The following SEPTIN5 variants were observed in gnomAD, a reference collection of about 807,000 sequenced individuals.
SEPTIN5 encodes the protein septin 5, also known as septin-5.
In SEPTIN5, 16 loss-of-function variants were observed where a neutral mutation model predicts 51.2. The observed-to-expected ratio is 0.31, with a 90% CI of 0.21 to 0.47. The LOEUF is 0.47. SEPTIN5 is among the 20% of genes least tolerant of loss of function. The probability of loss-of-function intolerance (pLI) is 0.99; values close to 1 mark genes in which losing one functional copy is unlikely to be tolerated. For missense variants in SEPTIN5, 376 were observed against 500.3 expected (o/e 0.75, Z 2.37); for synonymous variants, 208 against 191.2 (o/e 1.09, Z -0.72).
At chr22:19,716,042 A>C (rs1256709773) in intron 2 of SEPTIN5, among the ~76,000 whole-genome samples, 1 of 152,366 alleles carries the variant, frequency 6.6e-6, no homozygotes, top group African/African-American at 2.4e-5. Context: ...CCTGGGCTCC[A>C]GCCACTGCTG....
chr22:19,722,035 A>C, intron 10 of SEPTIN5, 78 bp downstream of exon 10: 30 of 1,527,436 alleles, frequency 2.0e-5, no homozygotes, highest in Non-Finnish European at 2.6e-5. Flanking sequence ...CGGTCCTGTC[A>C]GCCCACCCAG....
rs755837417 is a variant in SEPTIN5 at position 19,720,370 on chromosome 22, G to A, written c.413G>A (p.Arg138His). The A allele has an allele frequency of 4.3e-6, 7 of 1,613,994 alleles. No individual in the cohort carries two copies. Among genetic ancestry groups the A allele is most frequent in the Non-Finnish European group, 5.9e-6 (7 of 1,180,028 alleles). ...GACCAGCAGTTTGAGCAGTACTTCC[G>A]TGATGAGAGCGGCCTCAACCGAAAG... ...YVDQQFEQYF[R>H]DESGLNRKNI... Residue 138 changes from arginine to histidine, a missense_variant, in exon 6 of 12, where the codon CGT becomes CAT. Physicochemically the swap from Arg to His is conservative, Grantham distance 29. Coordinates refer to ENST00000455784, the MANE Select transcript of SEPTIN5 (RefSeq NM_002688.6).
chr22:19,716,135 G>A (rs968153666), intron 2 of SEPTIN5, among the ~76,000 whole-genome samples: 5 of 152,178 alleles, frequency 3.3e-5, no homozygotes, highest in African/African-American at 7.2e-5. Context: ...GAGGTCAACC[G>A]GGAGTCCACC....
intron 4 of SEPTIN5, 102 bp downstream of exon 4, chr22:19,719,994 G>T: frequency 6.2e-7 from 1 of 1,600,240 alleles, no homozygotes; most frequent in South Asian, 1.1e-5. Context: ...TTCTGTTCTC[G>T]CGGTGTGGGT....
intron 10 of SEPTIN5, 67 bp from the exon 11 acceptor site, chr22:19,722,170 C>T (rs1936054270): frequency 1.6e-6 from 2 of 1,278,894 alleles, no homozygotes; most frequent in African/African-American, 1.5e-5. Context: ...ATGGGCCAGG[C>T]ATCGCCAGCC....
In SEPTIN5 at chr22:19,721,628, T is replaced by TCCTTCCCCCAGGAGAGCGCGC. The variant is rs750343930; in HGVS notation, c.718-6_732dup. On this transcript the variant is annotated splice_polypyrimidine_tract_variant and intron_variant, in intron 8 of 11. Coordinates refer to ENST00000455784, the MANE Select transcript of SEPTIN5 (RefSeq NM_002688.6). ...CTCACCGGGTGTGAGCCTTTCTCCC[T>TCCTTCCCCCAGGAGAGCGCGC]CCTTCCCCCAGGAGAGCGCGCCCTT... The TCCTTCCCCCAGGAGAGCGCGC allele has an allele frequency of 1.2e-6, 2 of 1,612,418 alleles. No homozygotes were observed. The highest frequency in any genetic ancestry group is 2.7e-5 in the African/African-American group (2 of 74,910).
chr22:19,714,684 G>A lies in SEPTIN5; in HGVS notation c.43+53G>A. On this transcript the variant is annotated intron_variant, in intron 1 of 11. Coordinates refer to ENST00000455784, the MANE Select transcript of SEPTIN5 (RefSeq NM_002688.6). The surrounding 1 kb of genome is among the most constrained non-coding windows in gnomAD (Gnocchi z 5.2). ...GCGCGCGCCTTTGTCCCCGCCGCCC[G>A]CGCGCCTCTCACCGTGTCTCTCCGT... is the stretch of plus-strand genomic sequence containing the variant. 1 of 1,519,794 alleles carries A rather than the reference G, an allele frequency of 6.6e-7. No individual in the cohort carries two copies. The highest frequency in any genetic ancestry group is 8.8e-7 in the Non-Finnish European group (1 of 1,138,754). 94.1% of individuals were successfully genotyped at this position (1,519,794 alleles called of 1,614,324 possible).
chr22:19,716,379 C>T lies in SEPTIN5; in HGVS notation c.54+1588C>T, dbSNP rs528440758. Among the ~76,000 whole-genome samples, 4 of 152,348 alleles carry T rather than the reference C, an allele frequency of 2.6e-5. No individual in the cohort carries two copies. In the South Asian group the frequency reaches 8.3e-4, roughly 32 times the overall value. The stretch of plus-strand genomic sequence containing the variant: ...TGTAGAGGCATTGGGGGAGTTCCGT[C>T]ACTACGCTCTGTGCCCCCACCTCCT... On this transcript the variant is annotated intron_variant, in intron 2 of 11. Transcript: ENST00000455784.
chr22:19,714,646 T>G lies in SEPTIN5; in HGVS notation c.43+15T>G, dbSNP rs1157117232. On this transcript the variant is annotated intron_variant, in intron 1 of 11. Transcript: ENST00000455784. This position sits in a 1 kb window ranked among gnomAD's most constrained non-coding sequence, Gnocchi z 5.2. ...GGCGACCCCAGGTGAGCCCAGCGCC[T>G]GCCCGCGTGCCCGCGCGCGCCTTTG... 28 of 1,481,764 alleles carry G rather than the reference T, an allele frequency of 1.9e-5. No individual in the cohort carries two copies. The East Asian group carries it at 7.3e-4, about 39-fold the overall frequency. The allele number at this position is 1,481,764 out of a possible 1,614,324, so 91.8% of individuals were successfully genotyped here.
In SEPTIN5 at chr22:19,722,232, C is replaced by A; in HGVS notation, c.951-5C>A. On this transcript the variant is annotated splice_polypyrimidine_tract_variant and splice_region_variant and intron_variant, in intron 10 of 11. Coordinates refer to ENST00000455784, the MANE Select transcript of SEPTIN5 (RefSeq NM_002688.6). ...CCCGCCCATCCTCCCCCCCGCCCCG[C>A]GCAGCAAACTGACCCAGGACAGCCG... is the stretch of plus-strand genomic sequence containing the variant. 6.3e-7 allele frequency: 1 copy of A among 1,592,470 alleles called. No homozygotes were observed. The highest frequency in any genetic ancestry group is 8.6e-7 in the Non-Finnish European group (1 of 1,168,718).
Position 19,722,079 on chromosome 22 carries a change from C to A in SEPTIN5, c.950+122C>A, listed in dbSNP as rs544060062. ...TTTGCACCATTCCCTAAGCCCCCCC[C>A]CTCCCCCAGAGCCTGGTCTCCCTAG... is the stretch of plus-strand genomic sequence containing the variant. On this transcript the variant is annotated intron_variant, in intron 10 of 11. Coordinates refer to ENST00000455784, the MANE Select transcript of SEPTIN5 (RefSeq NM_002688.6). 1.1e-3 allele frequency: 1,382 copies of A among 1,311,708 alleles called. 3 individuals are homozygous for A. The highest frequency in any genetic ancestry group is 3.0e-3 in the Middle Eastern group (11 of 3,650). 81.3% of individuals were successfully genotyped at this position (1,311,708 alleles called of 1,614,324 possible). A position where few individuals can be genotyped will look rare whatever the true frequency, so the allele number is the denominator to read the frequency against.
chr22:19,722,645 G>A lies in SEPTIN5; in HGVS notation c.*161G>A. ...CAGGTCATTGTGTCTGTTTCCGAGG[G>A]GCCTGGACCGTAGCCCCCGCCCAGC... is the stretch of plus-strand genomic sequence containing the variant. On this transcript the variant is annotated 3_prime_UTR_variant, in exon 12 of 12. Coordinates refer to ENST00000455784, the MANE Select transcript of SEPTIN5 (RefSeq NM_002688.6). 2.5e-6 allele frequency: 2 copies of A among 788,220 alleles called. No individual in the cohort carries two copies. Among genetic ancestry groups the A allele is most frequent in the Non-Finnish European group, 2.0e-6 (1 of 498,180 alleles). 48.8% of individuals were successfully genotyped at this position (788,220 alleles called of 1,614,324 possible).
chr22:19,719,935 C>T, intron 4 of SEPTIN5, 43 bp downstream of exon 4: 1 of 1,605,342 alleles, frequency 6.2e-7, no homozygotes, highest in Non-Finnish European at 8.5e-7. Context: ...CCCCAGTCCC[C>T]TTCCATGGGA....
chr22:19,716,751 G>A (rs894541451), intron 2 of SEPTIN5, among the ~76,000 whole-genome samples: 1 of 152,214 alleles, frequency 6.6e-6, no homozygotes, highest in African/African-American at 2.4e-5. Context: ...ACTGAGGCAG[G>A]CAGTCTGAGA....
At chr22:19,721,506 C>G in intron 8 of SEPTIN5, 134 bp from the exon 9 acceptor site, 1 of 986,240 alleles carries the variant, frequency 1.0e-6, no homozygotes, top group Non-Finnish European at 1.5e-6. Context: ...AAAGGGGCAA[C>G]GCCAGGATCT....
intron 2 of SEPTIN5, chr22:19,718,911 C>A: frequency 8.4e-7 from 1 of 1,192,836 alleles, no homozygotes; most frequent in Non-Finnish European, 1.0e-6. Context: ...CACGGCCCGC[C>A]AGCGCCTAGG....
rs1568999290 is a variant in SEPTIN5, at chr22:19,722,871, G to C, written c.*387G>C. On this transcript the variant is annotated 3_prime_UTR_variant, in exon 12 of 12. Transcript: ENST00000455784. ...GCCCCAGTGCTGCAGAACGGACTTG[G>C]GAGCCCTCCTTTGCCTGCTCCCGCG... 2 of 454,772 alleles carry C rather than the reference G, an allele frequency of 4.4e-6. No individual in the cohort carries two copies. The highest frequency in any genetic ancestry group is 7.9e-5 in the East Asian group (2 of 25,364). The allele number at this position is 454,772 out of a possible 1,614,324, so 28.2% of individuals were successfully genotyped here. A position where few individuals can be genotyped will look rare whatever the true frequency, so the allele number is the denominator to read the frequency against.
chr22:19,719,303 G>A lies in SEPTIN5; in HGVS notation c.55-299G>A, dbSNP rs554521024. 27 of 349,662 alleles carry A rather than the reference G, an allele frequency of 7.7e-5. No individual in the cohort carries two copies. The East Asian group carries it at 1.2e-3, about 16-fold the overall frequency. The allele number at this position is 349,662 out of a possible 1,614,324, so 21.7% of individuals were successfully genotyped here. On this transcript the variant is annotated intron_variant, in intron 2 of 11. Coordinates refer to ENST00000455784, the MANE Select transcript of SEPTIN5 (RefSeq NM_002688.6). ...ATCCTGCTGCCCTCTGCCCGAGGAG[G>A]GAGGACATCGCCTGTGCCTGCTGCG... is the stretch of plus-strand genomic sequence containing the variant.
chr22:19,721,887 G>T lies in SEPTIN5; in HGVS notation c.880G>T (p.Asp294Tyr). 1 of 1,608,264 alleles carries T rather than the reference G, an allele frequency of 6.2e-7. No individual in the cohort carries two copies. Among genetic ancestry groups the T allele is most frequent in the Non-Finnish European group, 8.5e-7 (1 of 1,177,330 alleles). The change falls in exon 10 of 12, where the codon GAC (aspartate) becomes TAC (tyrosine). Residue 294 changes from aspartate to tyrosine, a missense_variant. Physicochemically the swap from Asp to Tyr is radical, Grantham distance 160. Transcript: ENST00000455784. ...CATGCTCATCCGCACGCATATGCAC[G>T]ACCTCAAGGACGTGACGTGCGACGT... ...RNMLIRTHMH[D>Y]LKDVTCDVHY...
Sources: gnomAD v4.1 joint callset for allele counts (sites outside exome capture counted in the v4.1 genomes callset) on GRCh38, gnomAD v4.1.1 for gene constraint, Gnocchi (gnomAD v3.1) non-coding constraint, MANE v1.5 for transcripts, NCBI Gene and HGNC (gene_info 2026-07-23, HGNC 2026-07-21) for gene names.